FUT9: variants seen among roughly 807,000 people sequenced by gnomAD.
FUT9 encodes 4-galactosyl-N-acetylglucosaminide 3-alpha-L-fucosyltransferase 9.
FUT9 carries 15 observed loss-of-function variants against 29.7 expected under a neutral mutation model. The observed-to-expected ratio is 0.51, with a 90% CI of 0.34 to 0.78. FUT9 has a LOEUF of 0.78. FUT9 is among the 30% of genes least tolerant of loss of function. The probability of loss-of-function intolerance (pLI) is 0.01; values close to 1 mark genes in which losing one functional copy is unlikely to be tolerated. For missense variants in FUT9, 319 were observed against 425.4 expected, an observed-to-expected ratio of 0.75 and a Z score of 2.20; for synonymous variants, 169 against 153.7, an observed-to-expected ratio of 1.10 and a Z score of -0.74.
chr6:96,130,215 A>G (rs894501301), intron 2 of FUT9, among the ~76,000 whole-genome samples: 1 of 152,140 alleles, frequency 6.6e-6, no homozygotes, highest in Admixed American at 6.5e-5. Context: ...AATTAATTTT[A>G]AAAATAAATT....
intron 2 of FUT9, among the ~76,000 whole-genome samples, chr6:96,144,212 T>C (rs1582264659): frequency 1.1e-5 from 1 of 88,156 alleles, no homozygotes; most frequent in African/African-American, 3.2e-5. Context: ...TAAATCCTTT[T>C]TCTTCCTTAG....
chr6:96,155,170 T>C lies in FUT9; in HGVS notation c.-9+41043T>C, dbSNP rs1221805732. Among the ~76,000 whole-genome samples the C allele has an allele frequency of 5.3e-5, 8 of 152,310 alleles. No individual in the cohort carries two copies. The South Asian group carries it at 1.7e-3, about 32-fold the overall frequency. ...TTTTGAATGCTCTTAGCAAGCTTTA[T>C]AGCAATTTTAAAATCTGATTCTTTG... On this transcript the variant is annotated intron_variant, in intron 2 of 2. Coordinates refer to ENST00000302103, the MANE Select transcript of FUT9 (RefSeq NM_006581.4).
At chr6:96,037,506 T>C (rs1238604013) in intron 1 of FUT9, 1 of 152,022 alleles carries the variant, frequency 6.6e-6, no homozygotes, top group African/African-American at 2.4e-5. Context: ...TTGGCCTGGA[T>C]TAAAGAAGAA....
intron 2 of FUT9, among the ~76,000 whole-genome samples, chr6:96,176,173 A>C (rs770162179): frequency 1.3e-5 from 2 of 152,034 alleles, no homozygotes; most frequent in Non-Finnish European, 2.9e-5. Flanking sequence ...CAGGCTTTGC[A>C]CTTGGACCGA....
intron 1 of FUT9, among the ~76,000 whole-genome samples, chr6:96,085,358 A>C (rs749046947): frequency 9.2e-5 from 14 of 152,186 alleles, no homozygotes; most frequent in Admixed American, 2.6e-4. Context: ...CATAGATGGC[A>C]GCTTCTAACT....
chr6:96,156,754 T>C (rs1192355476), intron 2 of FUT9, among the ~76,000 whole-genome samples: 2 of 152,204 alleles, frequency 1.3e-5, no homozygotes, highest in East Asian at 3.9e-4. Context: ...CTAACTCCTT[T>C]CACTGGTTTT....
Position 96,215,060 on chromosome 6 carries a change from C to A in FUT9, c.*10825C>A. 6.0e-6 allele frequency: 1 copy of A among 167,090 alleles called. No homozygotes were observed. 10.4% of individuals were successfully genotyped at this position (167,090 alleles called of 1,614,324 possible). On this transcript the variant is annotated 3_prime_UTR_variant, in exon 3 of 3. Coordinates refer to ENST00000302103, the MANE Select transcript of FUT9 (RefSeq NM_006581.4). The stretch of plus-strand genomic sequence containing the variant: ...GATAGTGTATGTGTGTGACATTCAG[C>A]TAACATTGATCTAGGCACTTAGTTT...
intron 1 of FUT9, among the ~76,000 whole-genome samples, chr6:96,100,022 G>A (rs564643017): frequency 3.9e-5 from 6 of 151,978 alleles, no homozygotes; most frequent in East Asian, 1.9e-4. Context: ...GAATTGATTC[G>A]ATTTGTTTGT....
intron 2 of FUT9, among the ~76,000 whole-genome samples, chr6:96,155,354 T>C (rs1247173774): frequency 6.6e-6 from 1 of 152,108 alleles, no homozygotes; most frequent in Admixed American, 6.5e-5. Flanking sequence ...CAATCTCCAG[T>C]ATGTTTTTGG....
rs117697408 is a variant in FUT9, at chr6:96,131,005, C to T, written c.-9+16878C>T. The stretch of plus-strand genomic sequence containing the variant: ...TATAAGACGGGGTTAATAATATTAC[C>T]ACCTACACTGTTGGTTTGAGAATGA... On this transcript the variant is annotated intron_variant, in intron 2 of 2. Coordinates refer to ENST00000302103, the MANE Select transcript of FUT9 (RefSeq NM_006581.4). Among the ~76,000 whole-genome samples the T allele has an allele frequency of 3.0e-4, 46 of 152,082 alleles. 1 individual carries two copies. In the East Asian group the frequency reaches 8.5e-3, roughly 28 times the overall value.
chr6:96,026,033 G>T (rs748667904), intron 1 of FUT9, among the ~76,000 whole-genome samples: 1 of 151,636 alleles, frequency 6.6e-6, no homozygotes, highest in Non-Finnish European at 1.5e-5. Flanking sequence ...CCTTTATAAT[G>T]GGCAGTGAAC....
At chr6:96,107,580 A>G (rs999415872) in intron 1 of FUT9, among the ~76,000 whole-genome samples, 1 of 152,196 alleles carries the variant, frequency 6.6e-6, no homozygotes, top group South Asian at 2.1e-4. Context: ...TGTTGAAAAT[A>G]TTTCTATCGA....
At chr6:96,174,770 G>A (rs1201478155) in intron 2 of FUT9, among the ~76,000 whole-genome samples, 1 of 152,026 alleles carries the variant, frequency 6.6e-6, no homozygotes, top group African/African-American at 2.4e-5. Flanking sequence ...AATGAAGGAA[G>A]ATAAGAATGC....
intron 2 of FUT9, among the ~76,000 whole-genome samples, chr6:96,159,637 GC>G (rs1772859948): frequency 6.6e-6 from 1 of 152,068 alleles, no homozygotes; most frequent in Non-Finnish European, 1.5e-5. Context: ...GTGTTTCAAA[GC>G]CCCCTTCATG....
chr6:96,048,164 C>T (rs1034941730), intron 1 of FUT9, among the ~76,000 whole-genome samples: 3 of 152,078 alleles, frequency 2.0e-5, no homozygotes, highest in Admixed American at 2.0e-4. Context: ...TTTTTAGAGA[C>T]CCATGTGATT....
intron 2 of FUT9, among the ~76,000 whole-genome samples, chr6:96,128,783 A>G (rs1284160599): frequency 6.6e-6 from 1 of 152,116 alleles, no homozygotes; most frequent in Non-Finnish European, 1.5e-5. Context: ...ATCAGTGCTA[A>G]GCAACCATTG....
chr6:96,062,252 T>C (rs1770888597), intron 1 of FUT9, among the ~76,000 whole-genome samples: 1 of 151,624 alleles, frequency 6.6e-6, no homozygotes, highest in African/African-American at 2.4e-5. Context: ...AAGTAACAAA[T>C]AGAAATCAAA....
chr6:96,112,776 T>A (rs2127961362), intron 1 of FUT9, among the ~76,000 whole-genome samples: 1 of 152,334 alleles, frequency 6.6e-6, no homozygotes, highest in South Asian at 2.1e-4. Flanking sequence ...AAAATGCATT[T>A]TTTTGACGGG....
At chr6:96,128,238 C>G (rs908161950) in intron 2 of FUT9, among the ~76,000 whole-genome samples, 1 of 151,958 alleles carries the variant, frequency 6.6e-6, no homozygotes, top group Non-Finnish European at 1.5e-5. Flanking sequence ...AAATGTTCCC[C>G]CCAAAATTAG....
Sources: allele counts gnomAD v4.1 joint callset (sites outside exome capture counted in the v4.1 genomes callset), GRCh38; gene constraint gnomAD v4.1.1; transcripts MANE v1.5; gene names NCBI Gene and HGNC (gene_info 2026-07-23, HGNC 2026-07-21).